KCNN2: variants seen among roughly 807,000 people sequenced by gnomAD.
KCNN2 encodes the protein potassium calcium-activated channel subfamily N member 2, also known as small conductance calcium-activated potassium channel protein 2.
A neutral mutation model predicts 55.5 loss-of-function variants in KCNN2; 24 were observed. The observed-to-expected ratio is 0.43, with a 90% CI of 0.31 to 0.61. The LOEUF (loss-of-function observed/expected upper bound fraction) is 0.61, where lower values mean the gene tolerates loss of function less well. Ranked by LOEUF, KCNN2 falls within the 20% of genes least tolerant of loss-of-function variation. The pLI is 0.08. For missense variants in KCNN2, 754 were observed against 853.6 expected, an observed-to-expected ratio of 0.88 and a Z score of 1.45; for synonymous variants, 431 against 336.1, an observed-to-expected ratio of 1.28 and a Z score of -3.09.
intron 3 of KCNN2, among the ~76,000 whole-genome samples, chr5:114,417,541 C>T (rs1236041139): frequency 6.6e-6 from 1 of 152,136 alleles, no homozygotes; most frequent in Non-Finnish European, 1.5e-5. Flanking sequence ...CCGACTATAT[C>T]ATCTAGATCT....
intron 3 of KCNN2, among the ~76,000 whole-genome samples, chr5:114,443,957 T>C (rs1760308792): frequency 6.6e-6 from 1 of 152,224 alleles, no homozygotes; most frequent in African/African-American, 2.4e-5. Context: ...ATTGGACTTT[T>C]CATTCTAAGC....
At chr5:114,085,755 G>A (rs1397277074) in intron 1 of KCNN2, among the ~76,000 whole-genome samples, 1 of 151,860 alleles carries the variant, frequency 6.6e-6, no homozygotes, top group Non-Finnish European at 1.5e-5. Context: ...GGTAATTTTG[G>A]TTTTTTAAAA....
intron 2 of KCNN2, among the ~76,000 whole-genome samples, chr5:114,322,584 C>T (rs2150030023): frequency 6.6e-6 from 1 of 151,684 alleles, no homozygotes; most frequent in East Asian, 1.9e-4. Context: ...CATACACACA[C>T]ACACACACAC....
chr5:114,181,947 G>A (rs547661350), intron 1 of KCNN2, among the ~76,000 whole-genome samples: 59 of 152,324 alleles, frequency 3.9e-4, no homozygotes, highest in Non-Finnish European at 6.6e-4. Context: ...CCGGGAGGTG[G>A]AGATTGCAGT....
chr5:114,195,218 A>G (rs546506855), intron 1 of KCNN2, among the ~76,000 whole-genome samples: 6 of 148,414 alleles, frequency 4.0e-5, no homozygotes, highest in East Asian at 2.0e-4. Flanking sequence ...ATTTCTGCCG[A>G]AAAAAAAAAG....
At chr5:114,185,633 G>C (rs567251616) in intron 1 of KCNN2, among the ~76,000 whole-genome samples, 1 of 152,258 alleles carries the variant, frequency 6.6e-6, no homozygotes, top group African/African-American at 2.4e-5. Context: ...AACCATCTGC[G>C]AGCCTAAATT....
intron 3 of KCNN2, among the ~76,000 whole-genome samples, chr5:114,445,856 C>T (rs1193756409): frequency 6.6e-6 from 1 of 152,168 alleles, no homozygotes; most frequent in East Asian, 1.9e-4. Flanking sequence ...CAATGCATCC[C>T]AAAAGCATCT....
intron 1 of KCNN2, among the ~76,000 whole-genome samples, chr5:114,076,757 G>C (rs372743889): frequency 6.6e-6 from 1 of 152,134 alleles, no homozygotes. Flanking sequence ...GCAGTGGTGC[G>C]ATCTCGGCTT....
chr5:114,275,424 T>C (rs559841420), intron 2 of KCNN2, among the ~76,000 whole-genome samples: 6 of 152,332 alleles, frequency 3.9e-5, no homozygotes, highest in African/African-American at 9.6e-5. Context: ...CATTCCTCTT[T>C]GTACCTCTGG....
intron 1 of KCNN2, among the ~76,000 whole-genome samples, chr5:114,195,540 A>C (rs1413170457): frequency 1.3e-5 from 2 of 151,952 alleles, no homozygotes; most frequent in African/African-American, 2.4e-5. Context: ...TTATCCTTGA[A>C]CTTTGCTGAA....
chr5:114,347,683 C>T (rs562058225), intron 2 of KCNN2, among the ~76,000 whole-genome samples: 11 of 152,222 alleles, frequency 7.2e-5, no homozygotes, highest in African/African-American at 2.4e-4. Context: ...TCTTTTGACT[C>T]TTGATAAAAT....
intron 1 of KCNN2, among the ~76,000 whole-genome samples, chr5:114,086,778 T>C (rs1160027533): frequency 1.3e-5 from 2 of 152,094 alleles, no homozygotes; most frequent in Non-Finnish European, 2.9e-5. Context: ...AATGATTTGT[T>C]TTCTTTTGGA....
At chr5:114,059,570 C>A (rs1750283726) in intron 1 of KCNN2, among the ~76,000 whole-genome samples, 1 of 152,158 alleles carries the variant, frequency 6.6e-6, no homozygotes, top group Admixed American at 6.5e-5. Flanking sequence ...GAATAGATGA[C>A]AGAAGGATGC....
intron 2 of KCNN2, among the ~76,000 whole-genome samples, chr5:114,323,636 TATAAAC>T (rs1337849693): frequency 2.8e-5 from 4 of 142,580 alleles, no homozygotes; most frequent in African/African-American, 7.6e-5. Flanking sequence ...AGTATCATGA[TATAAAC>T]ATATCAATTT....
intron 1 of KCNN2, among the ~76,000 whole-genome samples, chr5:114,091,367 T>C (rs1008101024): frequency 3.3e-5 from 5 of 152,154 alleles, no homozygotes; most frequent in Admixed American, 1.3e-4. Context: ...TGTTACTAGA[T>C]ATATATAAAT....
At chr5:114,199,624 GTGGCTT>G (rs1353825718) in intron 1 of KCNN2, among the ~76,000 whole-genome samples, 2 of 144,022 alleles carry the variant, frequency 1.4e-5, no homozygotes, top group Admixed American at 1.4e-4. Context: ...TTTTTTTTAT[GTGGCTT>G]TTATTGTAAA....
At position 114,382,632 on chromosome 5, in the gene KCNN2, C is replaced by A. The variant is rs185639568; in HGVS notation, c.1218+18631C>A. 6.1e-3 allele frequency among the ~76,000 whole-genome samples: 924 copies of A among 152,306 alleles called. 9 individuals are homozygous for A. Among genetic ancestry groups the A allele is most frequent in the Middle Eastern group, 0.017 (5 of 294 alleles). On this transcript the variant is annotated intron_variant, in intron 2 of 7. Transcript: ENST00000673685. ...AGAAAGAATGCTAATGGAGAAAAGCCACCCAAGACAATACTACTTTTCCTT... is the reference window on the plus strand; with the variant it reads ...AGAAAGAATGCTAATGGAGAAAAGCAACCCAAGACAATACTACTTTTCCTT...
chr5:114,464,288 G>C (rs1317367077), intron 4 of KCNN2, among the ~76,000 whole-genome samples: 1 of 152,190 alleles, frequency 6.6e-6, no homozygotes, highest in Admixed American at 6.5e-5. Flanking sequence ...ACCTAGGCTT[G>C]TCTGCATTCT....
chr5:114,405,717 T>A (rs890205867), intron 3 of KCNN2, among the ~76,000 whole-genome samples: 1 of 39,056 alleles, frequency 2.6e-5, no homozygotes, highest in African/African-American at 3.4e-4. Flanking sequence ...TTTTGTTTTG[T>A]TTTTTTTTTT....
Sources: allele counts gnomAD v4.1 joint callset (sites outside exome capture counted in the v4.1 genomes callset), GRCh38; gene constraint gnomAD v4.1.1; transcripts MANE v1.5; gene names NCBI Gene and HGNC (gene_info 2026-07-23, HGNC 2026-07-21).